DNAH9: variants seen among roughly 807,000 people sequenced by gnomAD.
The protein encoded by DNAH9 is DNAH9 variant protein.
A neutral mutation model predicts 471.6 loss-of-function variants in DNAH9; 345 were observed. That is an observed-to-expected ratio of 0.73 (90% CI 0.67 to 0.80). DNAH9 has a LOEUF of 0.80. Among genes scored for constraint, DNAH9 ranks in the 30% least tolerant of loss-of-function variants. The pLI is 0.00. For missense variants in DNAH9, 5,407 were observed against 5,609.2 expected, an observed-to-expected ratio of 0.96 and a Z score of 1.15; for synonymous variants, 2,093 against 2,123.6, an observed-to-expected ratio of 0.99 and a Z score of 0.40.
chr17:11,857,382 G>A (rs985662884), intron 50 of DNAH9, among the ~76,000 whole-genome samples: 1 of 152,052 alleles, frequency 6.6e-6, no homozygotes, highest in African/African-American at 2.4e-5. Flanking sequence ...CAACATCCCA[G>A]GAATGTGGGC....
chr17:11,958,682 G>T (rs1244551926), intron 67 of DNAH9, among the ~76,000 whole-genome samples: 1 of 151,780 alleles, frequency 6.6e-6, no homozygotes, highest in Non-Finnish European at 1.5e-5. Context: ...AAGATATAAG[G>T]GTAATCTCTG....
At position 11,661,997 on chromosome 17, in the gene DNAH9, G is replaced by T. The variant is rs962411495; in HGVS notation, c.2596-2836G>T. 2.0e-5 allele frequency among the ~76,000 whole-genome samples: 3 copies of T among 151,906 alleles called. 1 individual carries two copies. Among genetic ancestry groups the T allele is most frequent in the East Asian group, 1.9e-4 (1 of 5,190 alleles). ...TTATTTACTACTTCTTCAAGTTCAG[G>T]TCTGCTTATGACATATTCTCTCAGT... is the stretch of plus-strand genomic sequence containing the variant. On this transcript the variant is annotated intron_variant, in intron 14 of 68. Coordinates refer to ENST00000262442, the MANE Select transcript of DNAH9 (RefSeq NM_001372.4).
At chr17:11,935,056 C>G (rs2151039325) in intron 65 of DNAH9, among the ~76,000 whole-genome samples, 1 of 152,110 alleles carries the variant, frequency 6.6e-6, no homozygotes, top group East Asian at 1.9e-4. Flanking sequence ...CTCCGCCTCC[C>G]AGGTTCAAGC....
rs1973071599 is a variant in DNAH9 at position 11,892,101 on chromosome 17, G to T, written c.11283+154G>T. Among the ~76,000 whole-genome samples the T allele has an allele frequency of 6.6e-6, 1 of 152,098 alleles. No individual in the cohort carries two copies. Among genetic ancestry groups the T allele is most frequent in the African/African-American group, 2.4e-5 (1 of 41,408 alleles). On this transcript the variant is annotated intron_variant, in intron 58 of 68. Transcript: ENST00000262442. The surrounding 1 kb of genome is among the most constrained non-coding windows in gnomAD (Gnocchi z 4.3). ...GGCATCAGACAAGAAGGTCCAATGT[G>T]GTGTGTGCATCTGCCCCCACCATTT... is the stretch of plus-strand genomic sequence containing the variant.
rs9898134 is a variant in DNAH9, at chr17:11,617,393, A to G, written c.905-18A>G. On this transcript the variant is annotated intron_variant, in intron 4 of 68. Transcript: ENST00000262442. ...TAGGCTCCAGATGGGAATGCTGACCATCTCCAATTCCTTCCAGCTCTAGCA... is the reference window on the plus strand; with the variant it reads ...TAGGCTCCAGATGGGAATGCTGACCGTCTCCAATTCCTTCCAGCTCTAGCA... 1.9e-6 allele frequency: 3 copies of G among 1,596,346 alleles called. No homozygotes were observed. The highest frequency in any genetic ancestry group is 2.6e-6 in the Non-Finnish European group (3 of 1,164,900).
intron 61 of DNAH9, among the ~76,000 whole-genome samples, chr17:11,923,547 G>C (rs879021499): frequency 6.6e-6 from 1 of 151,978 alleles, no homozygotes; most frequent in Admixed American, 6.6e-5. Context: ...TCCTGACCTG[G>C]TGATCCGCTC....
intron 15 of DNAH9, 139 bp downstream of exon 15, chr17:11,665,107 A>G (rs1002414715): frequency 5.4e-6 from 4 of 734,372 alleles, no homozygotes; most frequent in Non-Finnish European, 9.1e-6. Flanking sequence ...ATGCACAGGA[A>G]AACAGAAAAG....
At position 11,932,044 on chromosome 17, in the gene DNAH9, G is replaced by A. The variant is rs772762955; in HGVS notation, c.12136G>A (p.Glu4046Lys). 6.2e-7 allele frequency: 1 copy of A among 1,614,178 alleles called. No homozygotes were observed. Among genetic ancestry groups the A allele is most frequent in the Admixed American group, 1.7e-5 (1 of 60,026 alleles). The change falls in exon 64 of 69, where the codon GAG becomes AAG. Residue 4046 changes from glutamate to lysine, a missense_variant. Glu to Lys is a moderately conservative substitution (Grantham distance 56). This residue lies in a region of DNAH9 where 4,636 missense variants were observed against 4,900.3 expected (regional missense o/e 0.95). Transcript: ENST00000262442. This position sits in a 1 kb window ranked among gnomAD's most constrained non-coding sequence, Gnocchi z 4.3. ...TCTGGAGATGTGTTCTCGGGAGACG[G>A]AGTTTAAGAGCATCCTCTTTGCTCT... Reference protein sequence around the residue: ...DTLEMCSRETEFKSILFALCY... With the variant: ...DTLEMCSRETKFKSILFALCY...
chr17:11,745,107 G>A (rs776820146), intron 31 of DNAH9, 23 bp downstream of exon 31: 1 of 1,590,360 alleles, frequency 6.3e-7, no homozygotes, highest in Admixed American at 1.7e-5. Context: ...TTTCCTCCCA[G>A]GATTTCTCTA....
At chr17:11,615,496 A>G (rs1238973728) in intron 4 of DNAH9, among the ~76,000 whole-genome samples, 1 of 151,958 alleles carries the variant, frequency 6.6e-6, no homozygotes, top group Non-Finnish European at 1.5e-5. Context: ...GAGGCAGGAG[A>G]ATAGACTAAA....
rs539524498 is a variant in DNAH9 at position 11,838,153 on chromosome 17, C to T, written c.9507+3255C>T. 3.9e-5 allele frequency among the ~76,000 whole-genome samples: 6 copies of T among 152,266 alleles called. No homozygotes were observed. The South Asian group carries it at 8.3e-4, about 21-fold the overall frequency. On this transcript the variant is annotated intron_variant, in intron 49 of 68. Transcript: ENST00000262442. ...GGGGAGAGGGAAAGGAAGTCAGTAA[C>T]GGTAACTAAATATTCACATTCTACG... is the stretch of plus-strand genomic sequence containing the variant.
At chr17:11,763,285 A>T (rs896834474) in intron 35 of DNAH9, among the ~76,000 whole-genome samples, 155 bp from the exon 36 acceptor site, 4 of 152,130 alleles carry the variant, frequency 2.6e-5, no homozygotes, top group Admixed American at 6.5e-5. Context: ...AGCTGATGAG[A>T]ATAAAGGCTT....
chr17:11,816,935 T>A (rs1269086928), intron 45 of DNAH9, among the ~76,000 whole-genome samples: 1 of 152,112 alleles, frequency 6.6e-6, no homozygotes, highest in Non-Finnish European at 1.5e-5. Flanking sequence ...GGCAGGCACC[T>A]GTAATCCCAG....
intron 62 of DNAH9, among the ~76,000 whole-genome samples, chr17:11,928,090 CCTTTATTT>C (rs111720002): frequency 5.0e-5 from 7 of 140,212 alleles, no homozygotes; most frequent in African/African-American, 1.6e-4. Flanking sequence ...TATACAAAAT[CCTTTATTT>C]ATTTATTTAT....
chr17:11,643,696 A>C (rs528702994), intron 10 of DNAH9, among the ~76,000 whole-genome samples: 1 of 152,262 alleles, frequency 6.6e-6, no homozygotes, highest in South Asian at 2.1e-4. Flanking sequence ...ACGCTCTATG[A>C]TCAATATGCT....
intron 22 of DNAH9, among the ~76,000 whole-genome samples, 193 bp downstream of exon 22, chr17:11,694,640 TGC>T (rs1567724573): frequency 0.046 from 121 of 2,646 alleles, 23 homozygotes; most frequent in African/African-American, 0.067. Flanking sequence ...CTTGCTTTCT[TGC>T]TTTCTCGCTT....
chr17:11,663,147 G>C (rs2073806360), intron 14 of DNAH9, among the ~76,000 whole-genome samples: 1 of 152,102 alleles, frequency 6.6e-6, no homozygotes, highest in Non-Finnish European at 1.5e-5. Flanking sequence ...TGAATTCCTG[G>C]GTTATCTGCA....
rs141658036 is a variant in DNAH9, at chr17:11,826,072, C to A, written c.9246+3038C>A. ...TTTAACCAGTTTCAGCTGGTTTCTT[C>A]TTTGTTCCATTCTTATCTGTGCCTA... is the stretch of plus-strand genomic sequence containing the variant. On this transcript the variant is annotated intron_variant, in intron 48 of 68. Transcript: ENST00000262442. Among the ~76,000 whole-genome samples the A allele has an allele frequency of 6.7e-3, 1,017 of 152,266 alleles. 4 individuals are homozygous for A. Among genetic ancestry groups the A allele is most frequent in the Non-Finnish European group, 9.6e-3 (650 of 68,004 alleles).
At chr17:11,746,225 G>A (rs1414420681) in intron 31 of DNAH9, among the ~76,000 whole-genome samples, 3 of 152,156 alleles carry the variant, frequency 2.0e-5, no homozygotes, top group Admixed American at 6.5e-5. Flanking sequence ...GTTCTGCATG[G>A]CTGGGGAGGC....
Sources: allele counts gnomAD v4.1 joint callset (sites outside exome capture counted in the v4.1 genomes callset), GRCh38; gene constraint gnomAD v4.1.1; regional missense constraint gnomAD v4.1.1; non-coding constraint Gnocchi (gnomAD v3.1); transcripts MANE v1.5; gene names NCBI Gene and HGNC (gene_info 2026-07-23, HGNC 2026-07-21).